The following RBP4 variants were observed in gnomAD, a reference collection of about 807,000 sequenced individuals.
RBP4 encodes retinol binding protein 4.
Under a neutral mutation model 26.2 loss-of-function variants are expected in RBP4, and 9 were observed. The ratio of observed to expected loss-of-function variants is 0.34; its 90% CI spans 0.21 to 0.60. The LOEUF is 0.60. Among genes scored for constraint, RBP4 ranks in the 20% least tolerant of loss-of-function variants. The pLI, the probability that RBP4 is intolerant of heterozygous loss-of-function variation, is 0.80. For synonymous variants in RBP4, 114 were observed against 111.0 expected (o/e 1.03, Z -0.17); for missense variants, 244 against 271.3 (o/e 0.90, Z 0.71).
At chr10:93,598,935 T>C (rs1439715511) in intron 4 of RBP4, among the ~76,000 whole-genome samples, 1 of 152,162 alleles carries the variant, frequency 6.6e-6, no homozygotes, top group Non-Finnish European at 1.5e-5. Context: ...CCAAGGATAA[T>C]AAATAAAAAT....
chr10:93,601,358 T>C, upstream of RBP4: 2 of 1,244,118 alleles, frequency 1.6e-6, no homozygotes, highest in East Asian at 3.3e-5. Flanking sequence ...GCGCCCTGAC[T>C]CACCGGAGCC....
chr10:93,593,607 G>A (rs2058280944), intron 5 of RBP4, among the ~76,000 whole-genome samples: 2 of 152,138 alleles, frequency 1.3e-5, no homozygotes, highest in South Asian at 4.1e-4. Context: ...CCAGTGAACT[G>A]GACAAAGGCC....
At position 93,593,185 on chromosome 10, in the gene RBP4, A is replaced by C. The variant is rs568054670; in HGVS notation, c.568+638T>G. Among the ~76,000 whole-genome samples, 15 of 152,320 alleles carry C rather than the reference A, an allele frequency of 9.8e-5. No homozygotes were observed. In the South Asian group the frequency reaches 2.9e-3, roughly 29 times the overall value. On this transcript the variant is annotated intron_variant, in intron 5 of 5. Transcript: ENST00000371464. ...TGAAACCCAGTATCCCATAGCAATG[A>C]GTGAGTGTCCACTCAAACTAAATGG...
intron 4 of RBP4, among the ~76,000 whole-genome samples, chr10:93,596,490 C>T (rs976911448): frequency 2.6e-5 from 4 of 152,186 alleles, no homozygotes; most frequent in Non-Finnish European, 5.9e-5. Context: ...TCCTCACACC[C>T]GGCAGCTGGG....
At chr10:93,595,675 G>T (rs74356785) in intron 4 of RBP4, among the ~76,000 whole-genome samples, 1,742 of 152,384 alleles carry the variant, frequency 0.011, 27 homozygotes, top group African/African-American at 0.039. Flanking sequence ...GTTAGAGGGT[G>T]TAAGGCCACC....
chr10:93,600,353 G>T, intron 4 of RBP4, 40 bp downstream of exon 4: 2 of 1,555,926 alleles, frequency 1.3e-6, no homozygotes, highest in Non-Finnish European at 1.8e-6. Context: ...CCCGGTAGGC[G>T]CCCCATTCCC....
At chr10:93,600,578 C>T in intron 3 of RBP4, 79 bp from the exon 4 acceptor site, 3 of 1,612,726 alleles carry the variant, frequency 1.9e-6, no homozygotes, top group Non-Finnish European at 2.5e-6. Context: ...TGCTCCCTTC[C>T]CTTCACAATG....
rs574651184 is a variant in RBP4, at chr10:93,592,255, G to A, written c.569-143C>T. 120 of 740,494 alleles carry A rather than the reference G, an allele frequency of 1.6e-4. 1 individual carries two copies. The highest frequency in any genetic ancestry group is 6.1e-4 in the East Asian group (23 of 37,594). The allele number at this position is 740,494 out of a possible 1,614,324, so 45.9% of individuals were successfully genotyped here. On this transcript the variant is annotated intron_variant, in intron 5 of 5. Coordinates refer to ENST00000371464, the MANE Select transcript of RBP4 (RefSeq NM_006744.4). ...CATCACAGCAGATTGCAACCCTTACGGATACAGGTGGCTGTAATTCATAAA... is the reference window on the plus strand; with the variant it reads ...CATCACAGCAGATTGCAACCCTTACAGATACAGGTGGCTGTAATTCATAAA...
Position 93,600,710 on chromosome 10 carries a change from C to G in RBP4, c.205G>C (p.Gly69Arg). 1.9e-6 allele frequency: 3 copies of G among 1,610,504 alleles called. No individual in the cohort carries two copies. Among genetic ancestry groups the G allele is most frequent in the Non-Finnish European group, 1.7e-6 (2 of 1,178,588 alleles). Residue 69 changes from glycine (G) to arginine (R), a missense_variant, in exon 3 of 6, where the codon GGC (glycine) becomes CGC (arginine). By Grantham distance (125) the Gly-to-Arg change is moderately radical. Transcript: ENST00000371464. Reference sequence around the variant, plus strand: ...CCCTTGGCTGTGGCGCTCATCTGGCCGGTCTCGTCCACGGAGAACTCCGCG... The same window carrying G: ...CCCTTGGCTGTGGCGCTCATCTGGCGGGTCTCGTCCACGGAGAACTCCGCG... Reference protein sequence around the residue: ...IVAEFSVDETGQMSATAKGRV... With the variant: ...IVAEFSVDETRQMSATAKGRV...
At chr10:93,597,447 A>G (rs542602683) in intron 4 of RBP4, among the ~76,000 whole-genome samples, 1 of 152,334 alleles carries the variant, frequency 6.6e-6, no homozygotes, top group South Asian at 2.1e-4. Flanking sequence ...AGTCCTTCCA[A>G]TGATTCTATG....
chr10:93,596,644 G>A (rs2058304860), intron 4 of RBP4, among the ~76,000 whole-genome samples: 1 of 152,178 alleles, frequency 6.6e-6, no homozygotes, highest in African/African-American at 2.4e-5. Flanking sequence ...CCTAGGAAGT[G>A]GGGTCATGCT....
chr10:93,594,093 C>A (rs1589684160), intron 4 of RBP4, 58 bp from the exon 5 acceptor site: 3 of 1,545,814 alleles, frequency 1.9e-6, no homozygotes, highest in Admixed American at 3.3e-5. Context: ...GCTCAGATGT[C>A]GGAGAAACTC....
intron 3 of RBP4, 47 bp from the exon 4 acceptor site, chr10:93,600,546 C>T (rs760023034): frequency 6.2e-7 from 1 of 1,611,108 alleles, no homozygotes; most frequent in Non-Finnish European, 8.5e-7. Context: ...AAAGGGCTTC[C>T]TCCCTCCCTC....
rs1427968347 is a variant in RBP4, at chr10:93,592,123, C to T, written c.569-11G>A. The T allele has an allele frequency of 1.2e-6, 2 of 1,613,884 alleles. No individual in the cohort carries two copies. ...TGCCATCGCAGTAACCTGGAAAATA[C>T]AAAACAAAGCCATTAACGACAGAAA... On this transcript the variant is annotated splice_polypyrimidine_tract_variant and intron_variant, in intron 5 of 5. Transcript: ENST00000371464.
At chr10:93,594,091 G>A in intron 4 of RBP4, 56 bp from the exon 5 acceptor site, 4 of 1,561,366 alleles carry the variant, frequency 2.6e-6, no homozygotes, top group Non-Finnish European at 3.5e-6. Context: ...GGGCTCAGAT[G>A]TCGGAGAAAC....
intron 4 of RBP4, among the ~76,000 whole-genome samples, chr10:93,599,740 G>GA (rs1359427569): frequency 6.6e-6 from 1 of 152,028 alleles, no homozygotes. Context: ...GATAAATGGG[G>GA]AAAAAAATGG....
chr10:93,600,332 C>G, intron 4 of RBP4, 61 bp downstream of exon 4: 1 of 1,432,470 alleles, frequency 7.0e-7, no homozygotes, highest in Non-Finnish European at 9.9e-7. Flanking sequence ...AGAAGAAACC[C>G]AGCGATTTGG....
chr10:93,594,740 T>G (rs1181521174), intron 4 of RBP4, among the ~76,000 whole-genome samples: 1 of 152,214 alleles, frequency 6.6e-6, no homozygotes, highest in Admixed American at 6.5e-5. Context: ...CCACTGAATT[T>G]AGATTATATG....
chr10:93,600,264 T>C (rs1253159748), intron 4 of RBP4, 129 bp downstream of exon 4: 3 of 824,862 alleles, frequency 3.6e-6, no homozygotes, highest in African/African-American at 1.7e-5. Flanking sequence ...GTGCTGCGGG[T>C]TCCTGACACT....
Sources: gnomAD v4.1 joint callset for allele counts (sites outside exome capture counted in the v4.1 genomes callset) on GRCh38, gnomAD v4.1.1 for gene constraint, MANE v1.5 for transcripts, NCBI Gene and HGNC (gene_info 2026-07-23, HGNC 2026-07-21) for gene names.